The following IGF2BP1 variants were observed in gnomAD, a reference collection of about 807,000 sequenced individuals.
IGF2BP1 encodes the protein insulin-like growth factor 2 mRNA-binding protein 1.
Under a neutral mutation model 74.9 loss-of-function variants are expected in IGF2BP1, and 11 were observed. That is an observed-to-expected ratio of 0.15 (90% confidence interval 0.09 to 0.24). IGF2BP1 has a LOEUF of 0.24. Among genes scored for constraint, IGF2BP1 ranks in the 10% least tolerant of loss-of-function variants. The pLI is 1.00. For missense variants in IGF2BP1, 440 were observed against 757.4 expected (o/e 0.58, Z 4.92); for synonymous variants, 287 against 281.8 (o/e 1.02, Z -0.18).
intron 5 of IGF2BP1, chr17:49,037,197 A>G: frequency 2.1e-6 from 1 of 485,254 alleles, no homozygotes; most frequent in African/African-American, 2.1e-5. Context: ...AGAAAAGGCC[A>G]GAGAGAGGTG....
chr17:49,043,394 G>T (rs752619053), intron 9 of IGF2BP1, 34 bp from the exon 10 acceptor site: 1 of 1,611,644 alleles, frequency 6.2e-7, no homozygotes, highest in Non-Finnish European at 8.5e-7. Context: ...CTGTCAGGGT[G>T]TGCTGACTCT....
At chr17:49,021,825 C>T (rs1053909554) in intron 2 of IGF2BP1, among the ~76,000 whole-genome samples, 1 of 152,244 alleles carries the variant, frequency 6.6e-6, no homozygotes, top group African/African-American at 2.4e-5. Flanking sequence ...AGGCACTTCT[C>T]AGCTCTGGTA....
At chr17:49,009,412 A>G (rs545970723) in intron 2 of IGF2BP1, among the ~76,000 whole-genome samples, 1 of 151,782 alleles carries the variant, frequency 6.6e-6, no homozygotes, top group East Asian at 1.9e-4. Context: ...TATTTTTTTT[A>G]AAAAAATTAT....
chr17:49,039,077 C>A (rs995929652), intron 6 of IGF2BP1, among the ~76,000 whole-genome samples: 1 of 151,942 alleles, frequency 6.6e-6, no homozygotes, highest in Non-Finnish European at 1.5e-5. Context: ...AGGGTTTCAC[C>A]ATGTTGATCA....
chr17:49,009,121 G>A (rs1488898101), intron 2 of IGF2BP1, among the ~76,000 whole-genome samples: 1 of 151,914 alleles, frequency 6.6e-6, no homozygotes, highest in Non-Finnish European at 1.5e-5. Context: ...TCTGCCTCCC[G>A]GGTTCAAGCG....
intron 7 of IGF2BP1, 88 bp downstream of exon 7, chr17:49,040,179 A>G: frequency 7.2e-7 from 1 of 1,397,198 alleles, no homozygotes; most frequent in Non-Finnish European, 9.9e-7. Flanking sequence ...ATACAGACAT[A>G]TAAGAAATAC....
intron 2 of IGF2BP1, among the ~76,000 whole-genome samples, chr17:49,022,390 G>A (rs912819228): frequency 6.6e-6 from 1 of 152,186 alleles, no homozygotes; most frequent in African/African-American, 2.4e-5. Flanking sequence ...GTTCTTCACG[G>A]CCTCTGTGCC....
intron 2 of IGF2BP1, among the ~76,000 whole-genome samples, chr17:49,017,033 C>T (rs1354095637): frequency 4.0e-5 from 6 of 150,488 alleles, no homozygotes; most frequent in Non-Finnish European, 5.9e-5. Flanking sequence ...GATAAGGAGG[C>T]GGGGTGGGGA....
In IGF2BP1 at chr17:49,050,264, A is replaced by G. The variant is rs547662484; in HGVS notation, c.*820A>G. 1 of 152,714 alleles carries G rather than the reference A, an allele frequency of 6.5e-6. No individual in the cohort carries two copies. Among genetic ancestry groups the G allele is most frequent in the East Asian group, 1.9e-4 (1 of 5,180 alleles). 9.5% of individuals were successfully genotyped at this position (152,714 alleles called of 1,614,324 possible). On this transcript the variant is annotated 3_prime_UTR_variant, in exon 15 of 15. Transcript: ENST00000290341. ...GGTTTCACATTATGTCCAGGTGCAC[A>G]TAGGTGGTATTGAATGCTCAGCAGG...
At chr17:49,043,245 TC>T (rs2042072503) in intron 9 of IGF2BP1, among the ~76,000 whole-genome samples, 182 bp from the exon 10 acceptor site, 1 of 152,222 alleles carries the variant, frequency 6.6e-6, no homozygotes, top group African/African-American at 2.4e-5. Flanking sequence ...CACTTAAAAT[TC>T]CACACCCGAA....
chr17:49,031,739 T>A (rs964011188), intron 4 of IGF2BP1, among the ~76,000 whole-genome samples, 171 bp from the exon 5 acceptor site: 1 of 152,012 alleles, frequency 6.6e-6, no homozygotes, highest in Non-Finnish European at 1.5e-5. Context: ...TGGGCTCAAG[T>A]GATCCGCCCG....
rs759649109 is a variant in IGF2BP1, at chr17:48,999,183, CTT to C, written c.236+17_236+18del. Reference sequence around the variant, plus strand: ...CAAAAAACAAAGGTAGGAAAGAGCTCTTTTCGGGGGGGGTGGGGGGGCCGCGG... The same window carrying C: ...CAAAAAACAAAGGTAGGAAAGAGCTCTTCGGGGGGGGTGGGGGGGCCGCGG... On this transcript the variant is annotated intron_variant, in intron 2 of 14. Coordinates refer to ENST00000290341, the MANE Select transcript of IGF2BP1 (RefSeq NM_006546.4). 4 of 890,520 alleles carry C rather than the reference CTT, an allele frequency of 4.5e-6. No homozygotes were observed. The highest frequency in any genetic ancestry group is 6.6e-6 in the Non-Finnish European group (4 of 607,666). The allele number at this position is 890,520 out of a possible 1,614,324, so 55.2% of individuals were successfully genotyped here.
intron 2 of IGF2BP1, among the ~76,000 whole-genome samples, chr17:49,008,471 A>G (rs1198821070): frequency 6.6e-6 from 1 of 152,214 alleles, no homozygotes; most frequent in African/African-American, 2.4e-5. Context: ...GAGTGGAGTG[A>G]TTGCTGTCCA....
intron 2 of IGF2BP1, among the ~76,000 whole-genome samples, chr17:49,014,602 G>T (rs2041669047): frequency 6.6e-6 from 1 of 152,052 alleles, no homozygotes; most frequent in South Asian, 2.1e-4. Flanking sequence ...GGAGAGACTG[G>T]CTGAGGAAGC....
chr17:49,045,573 G>A (rs1367267159), intron 12 of IGF2BP1, among the ~76,000 whole-genome samples: 4 of 152,178 alleles, frequency 2.6e-5, no homozygotes, highest in Non-Finnish European at 5.9e-5. Flanking sequence ...TCAGTGCCAC[G>A]TCCAGATTCC....
chr17:49,044,011 G>A lies in IGF2BP1; in HGVS notation c.1245G>A (p.Gln415=). ...TGGTGCAGGTGTTTATCCCCGCCCAGGCAGTGGGCGCCATCATCGGCAAGA... is the reference window on the plus strand; with the variant it reads ...TGGTGCAGGTGTTTATCCCCGCCCAAGCAGTGGGCGCCATCATCGGCAAGA... ...QEMVQVFIPA[Q]AVGAIIGKKG... is the part of the protein sequence containing the mutation. Residue 415 remains glutamine, a synonymous_variant, in exon 11 of 15, where the codon CAG becomes CAA. Coordinates refer to ENST00000290341, the MANE Select transcript of IGF2BP1 (RefSeq NM_006546.4). 1 of 1,614,132 alleles carries A rather than the reference G, an allele frequency of 6.2e-7. No homozygotes were observed. The highest frequency in any genetic ancestry group is 8.5e-7 in the Non-Finnish European group (1 of 1,180,018).
chr17:49,025,544 A>C, intron 2 of IGF2BP1, 74 bp from the exon 3 acceptor site: 3 of 1,289,838 alleles, frequency 2.3e-6, no homozygotes, highest in Admixed American at 1.8e-5. Context: ...TGGGGCAAGG[A>C]TTAGAAACTG....
At chr17:48,997,214 C>T (rs1257672592), upstream of IGF2BP1, among the ~76,000 whole-genome samples, 1 of 152,002 alleles carries the variant, frequency 6.6e-6, no homozygotes, top group African/African-American at 2.4e-5. The surrounding 1 kb of genome is among the most constrained non-coding windows in gnomAD (Gnocchi z 4.8). Flanking sequence ...GGGACGCTGC[C>T]GCACCGCCCC....
At chr17:48,998,861 G>A (rs1164014215) in intron 1 of IGF2BP1, among the ~76,000 whole-genome samples, 3 of 152,076 alleles carry the variant, frequency 2.0e-5, no homozygotes, top group Non-Finnish European at 2.9e-5. Flanking sequence ...ATTCCAGAGC[G>A]ATCCACTCAA....
Sources: gnomAD v4.1 joint callset for allele counts (sites outside exome capture counted in the v4.1 genomes callset) on GRCh38, gnomAD v4.1.1 for gene constraint, Gnocchi (gnomAD v3.1) non-coding constraint, MANE v1.5 for transcripts, NCBI Gene and HGNC (gene_info 2026-07-23, HGNC 2026-07-21) for gene names.